The following ZBTB7C variants were observed in gnomAD, a reference collection of about 807,000 sequenced individuals.
ZBTB7C encodes the protein zinc finger and BTB domain containing 7C, also known as zinc finger and BTB domain-containing protein 7C.
Under a neutral mutation model 25.7 loss-of-function variants are expected in ZBTB7C, and 8 were observed. The observed-to-expected ratio is 0.31, with a 90% CI of 0.18 to 0.56. ZBTB7C has a LOEUF of 0.56. Ranked by LOEUF, ZBTB7C falls within the 20% of genes least tolerant of loss-of-function variation. The probability of loss-of-function intolerance (pLI) is 0.91; values close to 1 mark genes in which losing one functional copy is unlikely to be tolerated. For missense variants in ZBTB7C, 824 were observed against 855.2 expected (o/e 0.96, Z 0.46); for synonymous variants, 394 against 369.0 (o/e 1.07, Z -0.78).
In ZBTB7C at chr18:48,029,235, T is replaced by C. The variant is rs1256244876; in HGVS notation, c.*25A>G. ...GGAGGGAGAAGGACTGGAGGGCTGG[T>C]GGGCTGGAGCCGACAGGGACCAGCC... is the stretch of plus-strand genomic sequence containing the variant. On this transcript the variant is annotated 3_prime_UTR_variant, in exon 5 of 5. Coordinates refer to ENST00000590800, the MANE Select transcript of ZBTB7C (RefSeq NM_001318841.2). 6.6e-7 allele frequency: 1 copy of C among 1,523,618 alleles called. No homozygotes were observed. The highest frequency in any genetic ancestry group is 1.2e-5 in the South Asian group (1 of 81,838). The allele number at this position is 1,523,618 out of a possible 1,614,324, so 94.4% of individuals were successfully genotyped here.
intron 3 of ZBTB7C, chr18:48,041,349 C>G: frequency 1.0e-6 from 1 of 985,450 alleles, no homozygotes; most frequent in African/African-American, 1.7e-5. Flanking sequence ...AGGCTTCTCA[C>G]TGGGCAGCTG....
chr18:48,229,133 C>T (rs916672473), intron 2 of ZBTB7C, among the ~76,000 whole-genome samples: 1 of 152,162 alleles, frequency 6.6e-6, no homozygotes, highest in Non-Finnish European at 1.5e-5. Context: ...AAGATTCCCC[C>T]TGCCACGTGC....
At chr18:48,186,206 C>T (rs964467787) in intron 2 of ZBTB7C, among the ~76,000 whole-genome samples, 1 of 152,224 alleles carries the variant, frequency 6.6e-6, no homozygotes, top group Non-Finnish European at 1.5e-5. Flanking sequence ...GCTCGGCCCA[C>T]GCTGCCTCCC....
chr18:48,167,167 G>A (rs909951182), intron 3 of ZBTB7C, among the ~76,000 whole-genome samples: 5 of 152,206 alleles, frequency 3.3e-5, no homozygotes, highest in East Asian at 1.9e-4. Context: ...CAGGGTTCCC[G>A]CCCACTCCTG....
chr18:48,206,360 T>C (rs771922480), intron 2 of ZBTB7C, among the ~76,000 whole-genome samples: 1 of 152,172 alleles, frequency 6.6e-6, no homozygotes, highest in African/African-American at 2.4e-5. Context: ...TTACAATACA[T>C]GGTGCTGAGT....
At chr18:48,180,318 TC>T (rs1181602874) in intron 3 of ZBTB7C, 3 of 456,474 alleles carry the variant, frequency 6.6e-6, no homozygotes, top group Non-Finnish European at 8.8e-6. Flanking sequence ...AATGTTGATT[TC>T]CCCAGCACAC....
In ZBTB7C at chr18:48,143,935, C is replaced by T. The variant is rs189752829; in HGVS notation, c.-17+41999G>A. Among the ~76,000 whole-genome samples the T allele has an allele frequency of 6.2e-4, 94 of 152,310 alleles. 1 individual carries two copies. The East Asian group carries it at 0.018, about 28-fold the overall frequency. ...TCTCCCCTATTGCAGTCCGGCCCAA[C>T]TCTGAATATAACAAGGACAAGCGGG... On this transcript the variant is annotated intron_variant, in intron 3 of 4. Transcript: ENST00000590800.
At chr18:48,399,304 C>A (rs1322471967) in intron 1 of ZBTB7C, among the ~76,000 whole-genome samples, 1 of 152,188 alleles carries the variant, frequency 6.6e-6, no homozygotes, top group African/African-American at 2.4e-5. Flanking sequence ...ACTTTAAAAC[C>A]CCTTTTGTAC....
At chr18:48,270,968 A>G (rs1430244882) in intron 2 of ZBTB7C, among the ~76,000 whole-genome samples, 4 of 152,172 alleles carry the variant, frequency 2.6e-5, no homozygotes, top group African/African-American at 9.6e-5. Flanking sequence ...ATCAAAAGAG[A>G]AACTATGAAC....
chr18:48,200,542 T>C (rs1330484806), intron 2 of ZBTB7C, among the ~76,000 whole-genome samples: 1 of 152,180 alleles, frequency 6.6e-6, no homozygotes, highest in Non-Finnish European at 1.5e-5. Flanking sequence ...CAGAGGCCAG[T>C]TGCTAGCCTG....
At chr18:48,298,756 T>C (rs762195581) in intron 2 of ZBTB7C, among the ~76,000 whole-genome samples, 5 of 152,198 alleles carry the variant, frequency 3.3e-5, no homozygotes, top group Non-Finnish European at 5.9e-5. Context: ...TGTCTGGCCC[T>C]GCTCTGGCCC....
chr18:48,049,271 T>C (rs2036592268), intron 3 of ZBTB7C, among the ~76,000 whole-genome samples: 1 of 152,210 alleles, frequency 6.6e-6, no homozygotes, highest in South Asian at 2.1e-4. Flanking sequence ...AGGCAAATTA[T>C]ATACTTCTGC....
In ZBTB7C at chr18:48,173,041, G is replaced by C. The variant is rs183692003; in HGVS notation, c.-17+12893C>G. On this transcript the variant is annotated intron_variant, in intron 3 of 4. Transcript: ENST00000590800. The stretch of plus-strand genomic sequence containing the variant: ...ATGGAGGCCTTGGAGCAACTTGAAA[G>C]CTCCGACTTTCCTCTAGTTCTTGAA... Among the ~76,000 whole-genome samples, 950 of 152,332 alleles carry C rather than the reference G, an allele frequency of 6.2e-3. 35 individuals are homozygous for C. The highest frequency in any genetic ancestry group is 0.052 in the Admixed American group (803 of 15,312).
At chr18:48,231,714 T>A (rs2043258586) in intron 2 of ZBTB7C, among the ~76,000 whole-genome samples, 1 of 152,150 alleles carries the variant, frequency 6.6e-6, no homozygotes, top group African/African-American at 2.4e-5. Context: ...CCTTGCTCAT[T>A]ATATTGCAGG....
chr18:48,064,508 C>T (rs934579049), intron 3 of ZBTB7C, among the ~76,000 whole-genome samples: 1 of 152,102 alleles, frequency 6.6e-6, no homozygotes, highest in Non-Finnish European at 1.5e-5. Flanking sequence ...TTTGGGAGGC[C>T]GAGGCGGGTG....
Position 48,029,560 on chromosome 18 carries a change from G to T in ZBTB7C, c.1560C>A (p.Gly520=), listed in dbSNP as rs141804185. 3,194 of 1,527,726 alleles carry T rather than the reference G, an allele frequency of 2.1e-3. 64 individuals carry two copies. The African/African-American group carries it at 0.042, about 20-fold the overall frequency. The allele number at this position is 1,527,726 out of a possible 1,614,324, so 94.6% of individuals were successfully genotyped here. The change falls in exon 5 of 5, where the codon GGC becomes GGA. Residue 520 remains glycine, a synonymous_variant. Coordinates refer to ENST00000590800, the MANE Select transcript of ZBTB7C (RefSeq NM_001318841.2). ...ALGEVGGHLG[G]AAVCLPGPSP... ...TGGGGCCCGGGAGGCACACAGCTGC[G>T]CCGCCCAGGTGGCCGCCCACCTCGC... is the stretch of plus-strand genomic sequence containing the variant.
chr18:48,099,668 C>T (rs1262195088), intron 3 of ZBTB7C, among the ~76,000 whole-genome samples: 2 of 152,200 alleles, frequency 1.3e-5, no homozygotes, highest in Non-Finnish European at 1.5e-5. Flanking sequence ...CCCCACCAAT[C>T]GCTCCTGCTG....
intron 2 of ZBTB7C, among the ~76,000 whole-genome samples, chr18:48,275,170 C>T (rs955253832): frequency 5.9e-5 from 9 of 152,184 alleles, no homozygotes; most frequent in African/African-American, 1.9e-4. Context: ...ATACCAAACT[C>T]GGCTTAGCTG....
chr18:48,392,397 A>G (rs1438778834), intron 1 of ZBTB7C, among the ~76,000 whole-genome samples: 1 of 152,208 alleles, frequency 6.6e-6, no homozygotes, highest in East Asian at 1.9e-4. Context: ...TGGGATTTAA[A>G]ATTGTGGTTT....
Sources: gnomAD v4.1 joint callset for allele counts (sites outside exome capture counted in the v4.1 genomes callset) on GRCh38, gnomAD v4.1.1 for gene constraint, MANE v1.5 for transcripts, NCBI Gene and HGNC (gene_info 2026-07-23, HGNC 2026-07-21) for gene names.